LHX8: variants seen among roughly 807,000 people sequenced by gnomAD.
LHX8 encodes the protein LIM homeobox 8.
LHX8 carries 12 observed loss-of-function variants against 40.3 expected under a neutral mutation model. The ratio of observed to expected loss-of-function variants is 0.30; its 90% confidence interval spans 0.19 to 0.48. LHX8 has a LOEUF of 0.48. LHX8 is among the 20% of genes least tolerant of loss of function. The pLI is 0.99. For missense variants in LHX8, 344 were observed against 433.7 expected, an observed-to-expected ratio of 0.79 and a Z score of 1.84; for synonymous variants, 179 against 162.0, an observed-to-expected ratio of 1.10 and a Z score of -0.80.
At chr1:75,147,343 G>T (rs955369925) in intron 6 of LHX8, among the ~76,000 whole-genome samples, 1 of 152,064 alleles carries the variant, frequency 6.6e-6, no homozygotes, top group Admixed American at 6.6e-5. Flanking sequence ...ACATTGCCAA[G>T]TTTTACTCTG....
At chr1:75,199,196 C>A in the LHX8 span, among the ~76,000 whole-genome samples, 1 of 152,306 alleles carries the variant, frequency 6.6e-6, no homozygotes, top group South Asian at 2.1e-4. Flanking sequence ...AGGCACCCCA[C>A]TTCCTGTAAC....
chr1:75,130,699 C>T (rs191646269), upstream of LHX8: 55 of 1,613,496 alleles, frequency 3.4e-5, no homozygotes, highest in Admixed American at 6.0e-4. Flanking sequence ...TACAGCTCTG[C>T]CATCTCTGAG....
the LHX8 span, among the ~76,000 whole-genome samples, chr1:75,179,186 G>T: frequency 6.6e-6 from 1 of 152,136 alleles, no homozygotes; most frequent in Non-Finnish European, 1.5e-5. Flanking sequence ...TGTCTGTTAG[G>T]TCTACCTGGT....
intron 6 of LHX8, among the ~76,000 whole-genome samples, chr1:75,147,118 G>T (rs982688455): frequency 1.3e-5 from 2 of 152,140 alleles, no homozygotes; most frequent in South Asian, 4.1e-4. Flanking sequence ...AGTGAACTGA[G>T]CAAGAATAAA....
At chr1:75,185,237 C>A in the LHX8 span, among the ~76,000 whole-genome samples, 1 of 152,014 alleles carries the variant, frequency 6.6e-6, no homozygotes, top group South Asian at 2.1e-4. Context: ...AGGAGGGACT[C>A]CTCCTCATCT....
chr1:75,158,077 A>C (rs1445590185), intron 8 of LHX8, among the ~76,000 whole-genome samples: 1 of 152,160 alleles, frequency 6.6e-6, no homozygotes, highest in Non-Finnish European at 1.5e-5. Context: ...GTATGGTGTA[A>C]CTTCCTGATA....
chr1:75,183,144 T>G, the LHX8 span: 12 of 152,178 alleles, frequency 7.9e-5, no homozygotes, highest in African/African-American at 2.7e-4. Context: ...TGTTCCATAT[T>G]TTTAATCATT....
the LHX8 span, among the ~76,000 whole-genome samples, chr1:75,184,325 C>T: frequency 6.6e-6 from 1 of 152,222 alleles, no homozygotes; most frequent in African/African-American, 2.4e-5. Flanking sequence ...ACATTCTTCT[C>T]ATCGTCACCT....
At chr1:75,189,362 G>T in the LHX8 span, among the ~76,000 whole-genome samples, 3 of 152,136 alleles carry the variant, frequency 2.0e-5, no homozygotes, top group African/African-American at 7.2e-5. Flanking sequence ...TTGGATGCAG[G>T]TTACTAGACC....
At chr1:75,167,465 C>G in the LHX8 span, among the ~76,000 whole-genome samples, 16 of 152,194 alleles carry the variant, frequency 1.1e-4, no homozygotes, top group South Asian at 3.1e-3. Flanking sequence ...CTAGCTTTCC[C>G]TCTCCTTTCT....
chr1:75,176,087 T>C, the LHX8 span, among the ~76,000 whole-genome samples: 1 of 152,190 alleles, frequency 6.6e-6, no homozygotes, highest in Non-Finnish European at 1.5e-5. Flanking sequence ...GACATTTGGG[T>C]GGGTTCCAAG....
chr1:75,191,893 C>T, the LHX8 span, among the ~76,000 whole-genome samples: 3 of 152,008 alleles, frequency 2.0e-5, no homozygotes, highest in Non-Finnish European at 4.4e-5. Context: ...TCTGTTAGCT[C>T]AACAGTCTGT....
the LHX8 span, among the ~76,000 whole-genome samples, chr1:75,198,192 G>A: frequency 6.6e-6 from 1 of 152,158 alleles, no homozygotes; most frequent in Non-Finnish European, 1.5e-5. Context: ...TTGGACTGAA[G>A]CTCCAGAGAA....
chr1:75,141,207 C>A, intron 4 of LHX8, 101 bp downstream of exon 4: 2 of 1,290,222 alleles, frequency 1.6e-6, no homozygotes, highest in African/African-American at 1.5e-5. Flanking sequence ...TTAATGAAGC[C>A]CAGTTTTTCT....
chr1:75,181,120 A>T, the LHX8 span, among the ~76,000 whole-genome samples: 1 of 152,094 alleles, frequency 6.6e-6, no homozygotes, highest in African/African-American at 2.4e-5. Context: ...TGAGGTGTCA[A>T]TCAGCCCCTA....
rs1267942779 is a variant in LHX8 at position 75,134,719 on chromosome 1, G to A, written c.-248G>A. ...TGAGAAGGTGAGCGAGCCGACGCCT[G>A]GCCAGACCAGCTGAATCGCAGTGTC... On this transcript the variant is annotated 5_prime_UTR_variant, in exon 1 of 9. Transcript: ENST00000356261. 2.6e-5 allele frequency among the ~76,000 whole-genome samples: 4 copies of A among 152,138 alleles called. No individual in the cohort carries two copies. Among genetic ancestry groups the A allele is most frequent in the African/African-American group, 9.7e-5 (4 of 41,424 alleles).
intron 7 of LHX8, 97 bp from the exon 8 acceptor site, chr1:75,156,796 T>G: frequency 9.5e-7 from 1 of 1,050,740 alleles, no homozygotes; most frequent in Non-Finnish European, 1.5e-6. Flanking sequence ...TGTGTGGTAG[T>G]GTGATTGAGG....
the LHX8 span, among the ~76,000 whole-genome samples, chr1:75,178,855 A>G: frequency 1.1e-4 from 16 of 152,158 alleles, no homozygotes; most frequent in Non-Finnish European, 1.8e-4. Flanking sequence ...TTTCTCCCAG[A>G]GATTCTGATA....
chr1:75,190,968 A>G, the LHX8 span, among the ~76,000 whole-genome samples: 1 of 152,188 alleles, frequency 6.6e-6, no homozygotes, highest in Middle Eastern at 3.2e-3. Context: ...GTTAAAATTC[A>G]TAGAATATAC....
Sources: allele counts gnomAD v4.1 joint callset (sites outside exome capture counted in the v4.1 genomes callset), GRCh38; gene constraint gnomAD v4.1.1; transcripts MANE v1.5; gene names NCBI Gene and HGNC (gene_info 2026-07-23, HGNC 2026-07-21).